The following TRMT11 variants were observed in gnomAD, a reference collection of about 807,000 sequenced individuals.
The protein encoded by TRMT11 is tRNA (guanine(10)-N(2))-methyltransferase TRMT11.
Under a neutral mutation model 62.8 loss-of-function variants are expected in TRMT11, and 53 were observed. The ratio of observed to expected loss-of-function variants is 0.84; its 90% CI spans 0.68 to 1.06. The LOEUF (loss-of-function observed/expected upper bound fraction) is 1.06. Ranked by LOEUF, TRMT11 falls within the 50% of genes least tolerant of loss-of-function variation. The pLI is 0.00. For synonymous variants in TRMT11, 188 were observed against 190.3 expected (o/e 0.99, Z 0.10); for missense variants, 556 against 553.4 (o/e 1.00, Z -0.05).
At chr6:126,051,225 G>T (rs1042473040) in intron 16 of TRMT11, among the ~76,000 whole-genome samples, 2 of 152,190 alleles carry the variant, frequency 1.3e-5, no homozygotes, top group South Asian at 4.1e-4. Flanking sequence ...CCTGAAGTGA[G>T]TTTGGAAGGG....
chr6:126,011,747 T>A (rs1205865851), intron 9 of TRMT11, among the ~76,000 whole-genome samples: 1 of 152,206 alleles, frequency 6.6e-6, no homozygotes, highest in Non-Finnish European at 1.5e-5. Flanking sequence ...TATAATTGGT[T>A]ATTATACCAA....
chr6:126,083,726 C>T (rs939588905), intron 17 of TRMT11, among the ~76,000 whole-genome samples: 1 of 152,090 alleles, frequency 6.6e-6, no homozygotes, highest in Non-Finnish European at 1.5e-5. Flanking sequence ...TAGACTTATT[C>T]GTCATACATA....
At chr6:126,220,667 T>C in the TRMT11 span, among the ~76,000 whole-genome samples, 1 of 152,312 alleles carries the variant, frequency 6.6e-6, no homozygotes, top group East Asian at 1.9e-4. Flanking sequence ...CATCATTACA[T>C]AATTGAACAC....
rs1247918650 is a variant in TRMT11, at chr6:126,012,986, C to T, written c.1024C>T (p.Pro342Ser). The T allele has an allele frequency of 6.2e-7, 1 of 1,612,912 alleles. No individual in the cohort carries two copies. Among genetic ancestry groups the T allele is most frequent in the Non-Finnish European group, 8.5e-7 (1 of 1,179,360 alleles). Residue 342 changes from proline to serine, a missense_variant, in exon 11 of 13, where the codon CCT becomes TCT. Coordinates refer to ENST00000334379, the MANE Select transcript of TRMT11 (RefSeq NM_001031712.3). ...KWEKCPESHV[P>S]VSLSYHLSDM... Reference sequence around the variant, plus strand: ...TTTGTGTAGTCCAGAAAGCCATGTTCCTGTTTCCTTGAGTTATCATCTGAG... The same window carrying T: ...TTTGTGTAGTCCAGAAAGCCATGTTTCTGTTTCCTTGAGTTATCATCTGAG...
intron 1 of TRMT11, among the ~76,000 whole-genome samples, chr6:126,178,384 T>C (rs1583900459): frequency 2.6e-5 from 4 of 152,308 alleles, no homozygotes; most frequent in Admixed American, 2.6e-4. Flanking sequence ...GGGACTGGCC[T>C]TGCAGCTTGC....
the TRMT11 span, among the ~76,000 whole-genome samples, chr6:126,231,550 G>A: frequency 6.6e-6 from 1 of 152,170 alleles, no homozygotes; most frequent in Non-Finnish European, 1.5e-5. Context: ...GGAGTCAAAA[G>A]TTATTTGCAG....
chr6:125,999,762 T>C, intron 7 of TRMT11, 149 bp downstream of exon 7: 1 of 613,534 alleles, frequency 1.6e-6, no homozygotes, highest in Non-Finnish European at 2.8e-6. Flanking sequence ...ACTTGTGTAA[T>C]AGCTAGTATT....
chr6:126,109,033 T>A (rs1777497144), intron 17 of TRMT11, among the ~76,000 whole-genome samples: 1 of 152,202 alleles, frequency 6.6e-6, no homozygotes, highest in Admixed American at 6.5e-5. Context: ...TTACCACATT[T>A]ATTTTTATAA....
chr6:126,048,262 C>T (rs1408301273), intron 16 of TRMT11, among the ~76,000 whole-genome samples: 1 of 152,186 alleles, frequency 6.6e-6, no homozygotes, highest in East Asian at 1.9e-4. Flanking sequence ...AACCTCAGTG[C>T]CAGGTAAGCA....
chr6:126,065,695 C>T (rs555402231), intron 17 of TRMT11, among the ~76,000 whole-genome samples: 4 of 152,250 alleles, frequency 2.6e-5, no homozygotes, highest in African/African-American at 7.2e-5. Context: ...GTATTTAAAA[C>T]AGTGCCTGAT....
intron 11 of TRMT11, among the ~76,000 whole-genome samples, chr6:126,018,876 T>C (rs1358256487): frequency 6.6e-6 from 1 of 152,146 alleles, no homozygotes. Flanking sequence ...ATAATTTTAT[T>C]TTACTTTATT....
chr6:126,103,520 TGTTA>T (rs1777427415), intron 17 of TRMT11, among the ~76,000 whole-genome samples: 1 of 152,236 alleles, frequency 6.6e-6, no homozygotes, highest in South Asian at 2.1e-4. Flanking sequence ...GCAATCAACG[TGTTA>T]GTTGAGGCTC....
chr6:126,076,042 T>A (rs1338555314), intron 17 of TRMT11, among the ~76,000 whole-genome samples: 1 of 152,092 alleles, frequency 6.6e-6, no homozygotes, highest in South Asian at 2.1e-4. Context: ...CCACTATATT[T>A]TTGTCAACTA....
chr6:126,266,160 G>T, the TRMT11 span, among the ~76,000 whole-genome samples: 1 of 149,722 alleles, frequency 6.7e-6, no homozygotes, highest in Admixed American at 6.7e-5. Flanking sequence ...CAACCCTGAT[G>T]ACTCAGCTGG....
At chr6:126,204,374 T>C (rs1436070873), downstream of TRMT11, among the ~76,000 whole-genome samples, 2 of 152,168 alleles carry the variant, frequency 1.3e-5, no homozygotes, top group Non-Finnish European at 2.9e-5. Context: ...ATAAAAAGAT[T>C]CAGGACCGGA....
intron 1 of TRMT11, among the ~76,000 whole-genome samples, chr6:125,990,868 G>C (rs184470781): frequency 2.0e-5 from 3 of 152,126 alleles, no homozygotes; most frequent in African/African-American, 7.2e-5. Context: ...GGTTTTGTTG[G>C]TTCTACTAGA....
At chr6:126,082,545 T>C (rs1777169202) in intron 17 of TRMT11, among the ~76,000 whole-genome samples, 1 of 152,108 alleles carries the variant, frequency 6.6e-6, no homozygotes, top group Non-Finnish European at 1.5e-5. Flanking sequence ...CATTGAAAAT[T>C]AGTCTTAGGG....
At chr6:126,174,047 A>C (rs187151937), upstream of TRMT11, among the ~76,000 whole-genome samples, 1 of 152,288 alleles carries the variant, frequency 6.6e-6, no homozygotes, top group Admixed American at 6.5e-5. Context: ...CAGAATCTCA[A>C]GTTCCATCCC....
At chr6:126,173,334 C>T (rs555100851), upstream of TRMT11, among the ~76,000 whole-genome samples, 4 of 152,278 alleles carry the variant, frequency 2.6e-5, no homozygotes, top group East Asian at 7.7e-4. Flanking sequence ...CTCCCCGTTT[C>T]CACCTTTCTG....
Sources: allele counts gnomAD v4.1 joint callset (sites outside exome capture counted in the v4.1 genomes callset), GRCh38; gene constraint gnomAD v4.1.1; transcripts MANE v1.5; gene names NCBI Gene and HGNC (gene_info 2026-07-23, HGNC 2026-07-21).